The following KIAA1217 variants were observed in gnomAD, a reference collection of about 807,000 sequenced individuals.
The protein encoded by KIAA1217 is KIAA1217.
A neutral mutation model predicts 163.9 loss-of-function variants in KIAA1217; 88 were observed. The observed-to-expected ratio is 0.54, with a 90% CI of 0.45 to 0.64. KIAA1217 has a LOEUF of 0.64. KIAA1217 is among the 30% of genes least tolerant of loss of function. KIAA1217 has a pLI of 0.00. For missense variants in KIAA1217, 2,372 were observed against 2,475.0 expected, an observed-to-expected ratio of 0.96 and a Z score of 0.88; for synonymous variants, 903 against 923.1, an observed-to-expected ratio of 0.98 and a Z score of 0.39.
intron 13 of KIAA1217, among the ~76,000 whole-genome samples, 160 bp downstream of exon 13, chr10:24,524,924 G>A (rs2071858648): frequency 6.6e-6 from 1 of 152,188 alleles, no homozygotes; most frequent in Admixed American, 6.5e-5. Flanking sequence ...TTAAGAGATA[G>A]GTCATGTGGT....
chr10:23,929,320 TA>T (rs1320666769), intron 1 of KIAA1217, among the ~76,000 whole-genome samples: 1 of 152,130 alleles, frequency 6.6e-6, no homozygotes, highest in Non-Finnish European at 1.5e-5. Context: ...TTTTATTTTT[TA>T]TTTTTTTTTA....
intron 2 of KIAA1217, among the ~76,000 whole-genome samples, chr10:24,326,077 A>T (rs1178409720): frequency 2.0e-5 from 3 of 152,200 alleles, no homozygotes; most frequent in Non-Finnish European, 4.4e-5. Context: ...GACCGTCTAA[A>T]AGAAAGCAAC....
intron 14 of KIAA1217, among the ~76,000 whole-genome samples, chr10:24,529,884 G>A (rs1246060699): frequency 1.4e-5 from 2 of 146,988 alleles, no homozygotes; most frequent in Non-Finnish European, 3.0e-5. Context: ...TGCAACCTCC[G>A]CCTCCTGGGT....
At chr10:23,876,934 A>G (rs1309437201) in intron 1 of KIAA1217, among the ~76,000 whole-genome samples, 1 of 151,974 alleles carries the variant, frequency 6.6e-6, no homozygotes, top group Non-Finnish European at 1.5e-5. Flanking sequence ...CAGAGAGGAC[A>G]TTGACTTACG....
At chr10:23,702,272 T>A (rs1836510106) in intron 1 of KIAA1217, among the ~76,000 whole-genome samples, 1 of 152,152 alleles carries the variant, frequency 6.6e-6, no homozygotes, top group Admixed American at 6.5e-5. Flanking sequence ...GGGAGGAATT[T>A]GGACTCCAGT....
At chr10:24,084,193 T>C (rs2061622480) in intron 2 of KIAA1217, among the ~76,000 whole-genome samples, 1 of 152,228 alleles carries the variant, frequency 6.6e-6, no homozygotes, top group African/African-American at 2.4e-5. Flanking sequence ...CTCTCTACCT[T>C]CTTTGTGCTA....
At chr10:23,972,458 T>C (rs1246075837) in intron 1 of KIAA1217, among the ~76,000 whole-genome samples, 1 of 152,120 alleles carries the variant, frequency 6.6e-6, no homozygotes, top group Non-Finnish European at 1.5e-5. Flanking sequence ...TCATGTCCTT[T>C]CCATGGACAT....
intron 6 of KIAA1217, among the ~76,000 whole-genome samples, chr10:24,484,241 A>ATATATATATATATATATATATTTT (rs1376083298): frequency 1.3e-5 from 1 of 75,146 alleles, no homozygotes; most frequent in African/African-American, 4.9e-5. Flanking sequence ...ATATATATAT[A>ATATATATATATATATATATATTTT]TTTTTTTTTT....
intron 2 of KIAA1217, among the ~76,000 whole-genome samples, chr10:24,292,999 C>A (rs1418664734): frequency 4.6e-5 from 7 of 152,162 alleles, no homozygotes. Flanking sequence ...AGCTGCACTT[C>A]AAGATGCACC....
chr10:23,723,558 C>T (rs900835906), intron 1 of KIAA1217, among the ~76,000 whole-genome samples: 10 of 152,150 alleles, frequency 6.6e-5, no homozygotes, highest in African/African-American at 2.4e-4. Flanking sequence ...CATTGTTGCA[C>T]ATTTACTGCT....
chr10:23,993,605 G>C (rs1433545285), intron 1 of KIAA1217, among the ~76,000 whole-genome samples: 2 of 118,592 alleles, frequency 1.7e-5, no homozygotes, highest in Non-Finnish European at 3.2e-5. Context: ...GCCTAGACTG[G>C]AGTGCAGTGG....
intron 3 of KIAA1217, among the ~76,000 whole-genome samples, chr10:24,421,468 C>G (rs1256718587): frequency 3.9e-5 from 6 of 152,044 alleles, no homozygotes; most frequent in Non-Finnish European, 5.9e-5. Context: ...GAACAAGTAC[C>G]ATTTTGGCTA....
chr10:24,266,507 A>G (rs1443507118), intron 2 of KIAA1217, among the ~76,000 whole-genome samples: 1 of 152,136 alleles, frequency 6.6e-6, no homozygotes. Context: ...GGGGACTTGG[A>G]GAGCTTTTCT....
In KIAA1217 at chr10:23,869,124, G is replaced by GTTT. The variant is rs58288361; in HGVS notation, c.-320-138073_-320-138071dup. ...GTGTAACGTGCAATCATGAAATGTA[G>GTTT]TTTTTTTTTTTTTTTTTTTTTTTTT... On this transcript the variant is annotated intron_variant, in intron 1 of 18. Coordinates refer to the KIAA1217 transcript ENST00000376462. Among the ~76,000 whole-genome samples the GTTT allele has an allele frequency of 4.5e-3, 144 of 31,728 alleles. 40 individuals carry two copies. The highest frequency in any genetic ancestry group is 0.013 in the African/African-American group (107 of 8,290). 20.8% of individuals were successfully genotyped at this position (31,728 alleles called of 152,430 possible).
intron 2 of KIAA1217, among the ~76,000 whole-genome samples, chr10:24,097,573 CGAAAA>C (rs917022776): frequency 1.3e-5 from 2 of 150,516 alleles, no homozygotes; most frequent in East Asian, 1.9e-4. Context: ...GAGAGGAAGG[CGAAAA>C]GAAAAGAAAA....
rs1165268154 is a variant in KIAA1217, at chr10:24,545,162, ACTTAGTTTATACCAAATATTGTG to A, written c.5334+63_5334+85del. On this transcript the variant is annotated intron_variant, in intron 20 of 20. Transcript: ENST00000376454. ...GCTATTTCAGTTAAGCAAGTCACTG[ACTTAGTTTATACCAAATATTGTG>A]CTTTCTTTGTAAGATAACGGTTTAC... 3 of 1,606,982 alleles carry A rather than the reference ACTTAGTTTATACCAAATATTGTG, an allele frequency of 1.9e-6. No individual in the cohort carries two copies. The Admixed American group carries it at 5.0e-5, about 27-fold the overall frequency.
intron 2 of KIAA1217, among the ~76,000 whole-genome samples, chr10:24,188,625 A>T (rs1411275298): frequency 6.6e-6 from 1 of 152,190 alleles, no homozygotes; most frequent in Non-Finnish European, 1.5e-5. Context: ...ACTAAAATGG[A>T]ATCTCTCTTC....
At chr10:23,808,704 C>T (rs1035393826) in intron 1 of KIAA1217, among the ~76,000 whole-genome samples, 2 of 151,874 alleles carry the variant, frequency 1.3e-5, no homozygotes, top group African/African-American at 2.4e-5. Context: ...AACACCTCAA[C>T]ATATGTCTAA....
intron 2 of KIAA1217, among the ~76,000 whole-genome samples, chr10:24,165,331 C>T (rs1378182056): frequency 6.6e-6 from 1 of 152,194 alleles, no homozygotes; most frequent in African/African-American, 2.4e-5. Context: ...CCTCCAGGAA[C>T]TGTCCGCACC....
Sources: gnomAD v4.1 joint callset for allele counts (sites outside exome capture counted in the v4.1 genomes callset) on GRCh38, gnomAD v4.1.1 for gene constraint, MANE v1.5 for transcripts, NCBI Gene and HGNC (gene_info 2026-07-23, HGNC 2026-07-21) for gene names.